The following NXPH2 variants were observed in gnomAD, a reference collection of about 807,000 sequenced individuals.
NXPH2 encodes neurexophilin 2.
Under a neutral mutation model 19.8 loss-of-function variants are expected in NXPH2, and 5 were observed. The ratio of observed to expected loss-of-function variants is 0.25; its 90% confidence interval spans 0.13 to 0.53. NXPH2 has a LOEUF of 0.53. NXPH2 is among the 20% of genes least tolerant of loss of function. The probability of loss-of-function intolerance (pLI) is 0.96; values close to 1 mark genes in which losing one functional copy is unlikely to be tolerated. For synonymous variants in NXPH2, 154 were observed against 127.4 expected (o/e 1.21, Z -1.41); for missense variants, 289 against 322.8 (o/e 0.90, Z 0.80).
At chr2:138,741,527 T>C (rs1681641611) in intron 1 of NXPH2, among the ~76,000 whole-genome samples, 1 of 152,192 alleles carries the variant, frequency 6.6e-6, no homozygotes, top group Non-Finnish European at 1.5e-5. Flanking sequence ...CCCAGTGATT[T>C]TGGTGAAAGA....
At chr2:138,748,974 T>C (rs770166264) in intron 1 of NXPH2, among the ~76,000 whole-genome samples, 4 of 152,220 alleles carry the variant, frequency 2.6e-5, no homozygotes, top group Non-Finnish European at 4.4e-5. Flanking sequence ...TAATTTCTTA[T>C]GACTTTACTT....
At chr2:138,771,846 T>G (rs1682182534) in intron 1 of NXPH2, among the ~76,000 whole-genome samples, 1 of 152,208 alleles carries the variant, frequency 6.6e-6, no homozygotes, top group African/African-American at 2.4e-5. Context: ...GAGTGCATTC[T>G]GGCAAAGTGC....
intron 1 of NXPH2, among the ~76,000 whole-genome samples, chr2:138,672,043 A>G (rs551662937): frequency 6.6e-6 from 1 of 152,228 alleles, no homozygotes; most frequent in East Asian, 1.9e-4. Context: ...GAAGACAAAA[A>G]TAGAGTGCTG....
intron 1 of NXPH2, among the ~76,000 whole-genome samples, chr2:138,702,442 T>A (rs958625195): frequency 6.0e-5 from 9 of 150,220 alleles, no homozygotes; most frequent in African/African-American, 2.5e-5. Flanking sequence ...TGTTAGTGTA[T>A]TCCATACTTA....
At chr2:138,705,306 T>G (rs1335136782) in intron 1 of NXPH2, among the ~76,000 whole-genome samples, 2 of 152,110 alleles carry the variant, frequency 1.3e-5, no homozygotes, top group Non-Finnish European at 2.9e-5. Flanking sequence ...TTTTTTTCCT[T>G]CTTGATTTGA....
chr2:138,675,508 A>G (rs1680473307), intron 1 of NXPH2, among the ~76,000 whole-genome samples: 1 of 151,946 alleles, frequency 6.6e-6, no homozygotes. Flanking sequence ...AGATTACTCA[A>G]TAATAATAAT....
chr2:138,761,783 T>C (rs1211644410), intron 1 of NXPH2, among the ~76,000 whole-genome samples: 1 of 152,216 alleles, frequency 6.6e-6, no homozygotes, highest in African/African-American at 2.4e-5. Context: ...TTGAAGTACA[T>C]ATCTAAAGCA....
chr2:138,723,165 C>CAAGG (rs1681306031), intron 1 of NXPH2, among the ~76,000 whole-genome samples: 1 of 151,986 alleles, frequency 6.6e-6, no homozygotes. Context: ...AACAGACAAG[C>CAAGG]AAGCAAGCAA....
chr2:138,751,504 T>C (rs1460064743), intron 1 of NXPH2, among the ~76,000 whole-genome samples: 3 of 152,188 alleles, frequency 2.0e-5, no homozygotes, highest in Non-Finnish European at 2.9e-5. Context: ...AAATTTTATT[T>C]CCATATTGGC....
chr2:138,745,779 C>G (rs1014495616), intron 1 of NXPH2, among the ~76,000 whole-genome samples: 4 of 151,938 alleles, frequency 2.6e-5, no homozygotes, highest in Non-Finnish European at 5.9e-5. Flanking sequence ...TTCAGGACAG[C>G]TGTTACCTAT....
At chr2:138,718,529 A>C (rs1233602236) in intron 1 of NXPH2, among the ~76,000 whole-genome samples, 2 of 152,208 alleles carry the variant, frequency 1.3e-5, no homozygotes, top group East Asian at 3.8e-4. Flanking sequence ...AAGCTCTCCA[A>C]AAACATTACT....
At chr2:138,690,537 C>CT (rs1161708381) in intron 1 of NXPH2, among the ~76,000 whole-genome samples, 8 of 151,210 alleles carry the variant, frequency 5.3e-5, no homozygotes, top group Non-Finnish European at 1.0e-4. Context: ...CCACTCACTG[C>CT]TATATACTCA....
rs141009998 is a variant in NXPH2, at chr2:138,672,756, C to T, written c.52-1091G>A. On this transcript the variant is annotated intron_variant, in intron 1 of 1. Transcript: ENST00000272641. ...GTGAGGCTGTGTTTATGTACTTTCT[C>T]TAGCCCTTTCAAACTTGGCAAAACA... Among the ~76,000 whole-genome samples the T allele has an allele frequency of 2.1e-3, 317 of 152,306 alleles. 1 individual carries two copies. The highest frequency in any genetic ancestry group is 7.2e-3 in the African/African-American group (300 of 41,582).
At chr2:138,777,304 T>C (rs753418657) in intron 1 of NXPH2, among the ~76,000 whole-genome samples, 2 of 152,136 alleles carry the variant, frequency 1.3e-5, no homozygotes, top group African/African-American at 2.4e-5. Flanking sequence ...ATATTCTTTA[T>C]AAGAGTATGT....
intron 1 of NXPH2, among the ~76,000 whole-genome samples, chr2:138,711,523 G>A (rs933456648): frequency 3.3e-5 from 5 of 152,106 alleles, no homozygotes; most frequent in Non-Finnish European, 1.5e-5. Context: ...ACAACAGCTT[G>A]CAAACCTGTG....
At chr2:138,693,174 G>A (rs1365410131) in intron 1 of NXPH2, among the ~76,000 whole-genome samples, 1 of 152,048 alleles carries the variant, frequency 6.6e-6, no homozygotes, top group Non-Finnish European at 1.5e-5. Context: ...ACTTAGGAGT[G>A]GCCATCTGTT....
intron 1 of NXPH2, among the ~76,000 whole-genome samples, chr2:138,733,596 C>T (rs927394016): frequency 3.9e-5 from 6 of 152,110 alleles, no homozygotes; most frequent in Non-Finnish European, 7.4e-5. Context: ...TGTCATTTTA[C>T]GTGAAAATAT....
chr2:138,742,755 T>C (rs1310259533), intron 1 of NXPH2, among the ~76,000 whole-genome samples: 1 of 152,210 alleles, frequency 6.6e-6, no homozygotes. Context: ...AAAAGAAATA[T>C]TGACCTAACT....
rs72988928 is a variant in NXPH2 at position 138,707,281 on chromosome 2, C to G, written c.52-35616G>C. On this transcript the variant is annotated intron_variant, in intron 1 of 1. Transcript: ENST00000272641. ...TCAAACAAATGAGAACAAAGGCCAGCCACAAAATCCAGATATGGCCATACC... is the reference window on the plus strand; with the variant it reads ...TCAAACAAATGAGAACAAAGGCCAGGCACAAAATCCAGATATGGCCATACC... Among the ~76,000 whole-genome samples, 534 of 151,992 alleles carry G rather than the reference C, an allele frequency of 3.5e-3. 3 individuals are homozygous for G. Among genetic ancestry groups the G allele is most frequent in the African/African-American group, 8.7e-3 (361 of 41,464 alleles).
Sources: gnomAD v4.1 joint callset for allele counts (sites outside exome capture counted in the v4.1 genomes callset) on GRCh38, gnomAD v4.1.1 for gene constraint, MANE v1.5 for transcripts, NCBI Gene and HGNC (gene_info 2026-07-23, HGNC 2026-07-21) for gene names.